Variants in AXDND1 observed in about 807,000 individuals in gnomAD.
AXDND1 encodes axonemal dynein light chain domain containing 1, also known as axonemal dynein light chain domain-containing protein 1.
A neutral mutation model predicts 137.5 loss-of-function variants in AXDND1; 110 were observed. That is an observed-to-expected ratio of 0.80 (90% confidence interval 0.69 to 0.94). The LOEUF (loss-of-function observed/expected upper bound fraction) is 0.94. Among genes scored for constraint, AXDND1 ranks in the 40% least tolerant of loss-of-function variants. The pLI, the probability that AXDND1 is intolerant of heterozygous loss-of-function variation, is 0.00. For missense variants in AXDND1, 1,191 were observed against 1,169.8 expected, an observed-to-expected ratio of 1.02 and a Z score of -0.26; for synonymous variants, 414 against 399.7, an observed-to-expected ratio of 1.04 and a Z score of -0.43.
intron 20 of AXDND1, among the ~76,000 whole-genome samples, chr1:179,503,736 G>A: frequency 6.6e-6 from 1 of 151,832 alleles, no homozygotes; most frequent in East Asian, 1.9e-4. Flanking sequence ...CCCGGAGTGT[G>A]TGATGTTCCC....
intron 11 of AXDND1, among the ~76,000 whole-genome samples, chr1:179,401,306 T>C (rs999987989): frequency 1.3e-5 from 2 of 151,944 alleles, no homozygotes; most frequent in African/African-American, 4.8e-5. Flanking sequence ...AGTAAATTTT[T>C]ACTTCATAAA....
At chr1:179,466,276 C>G (rs1663163150) in intron 16 of AXDND1, among the ~76,000 whole-genome samples, 1 of 121,364 alleles carries the variant, frequency 8.2e-6, no homozygotes, top group Non-Finnish European at 1.7e-5. Flanking sequence ...TTTCTTTCTT[C>G]TTCTTCTTCT....
At position 179,542,300 on chromosome 1, in the gene AXDND1, A is replaced by T. The variant is rs181267414; in HGVS notation, c.3031+7338A>T. 8.8e-3 allele frequency among the ~76,000 whole-genome samples: 1,336 copies of T among 152,294 alleles called. 7 individuals are homozygous for T. The highest frequency in any genetic ancestry group is 0.012 in the Non-Finnish European group (808 of 68,024). The stretch of plus-strand genomic sequence containing the variant: ...CCTGGTGCAAAGGATAGTACTGGAA[A>T]GACATCTACTTTCCGTTTTTCTCTG... On this transcript the variant is annotated intron_variant, in intron 25 of 25. Transcript: ENST00000367618.
intron 17 of AXDND1, among the ~76,000 whole-genome samples, chr1:179,477,208 T>A (rs1316685397): frequency 1.3e-5 from 2 of 152,222 alleles, no homozygotes; most frequent in Non-Finnish European, 2.9e-5. Context: ...CAATTTATAT[T>A]TTTAATTTCT....
At chr1:179,431,462 GTTTT>G (rs869036199) in intron 14 of AXDND1, among the ~76,000 whole-genome samples, 5 of 117,438 alleles carry the variant, frequency 4.3e-5, no homozygotes, top group African/African-American at 1.1e-4. Flanking sequence ...GATTTCTAAG[GTTTT>G]TGTTTGTTTG....
At chr1:179,410,961 G>T (rs1653779470) in intron 11 of AXDND1, among the ~76,000 whole-genome samples, 185 bp from the exon 12 acceptor site, 1 of 152,024 alleles carries the variant, frequency 6.6e-6, no homozygotes, top group African/African-American at 2.4e-5. Flanking sequence ...TTAAATGTGA[G>T]TATTTTTCTT....
At chr1:179,400,522 G>A (rs1033692174) in intron 11 of AXDND1, among the ~76,000 whole-genome samples, 2 of 149,610 alleles carry the variant, frequency 1.3e-5, no homozygotes, top group South Asian at 4.2e-4. Context: ...CACCACTAAA[G>A]AACTTACTCA....
At chr1:179,522,655 C>CA (rs1670172077) in intron 21 of AXDND1, among the ~76,000 whole-genome samples, 1 of 151,596 alleles carries the variant, frequency 6.6e-6, no homozygotes, top group African/African-American at 2.4e-5. Flanking sequence ...TATATTATCT[C>CA]ATTTATATTA....
intron 15 of AXDND1, among the ~76,000 whole-genome samples, chr1:179,436,733 G>T (rs935620358): frequency 1.3e-5 from 2 of 151,984 alleles, no homozygotes; most frequent in East Asian, 3.9e-4. Context: ...AGGACAAATA[G>T]CTAATGCATG....
At chr1:179,378,031 A>G (rs939384699) in intron 4 of AXDND1, among the ~76,000 whole-genome samples, 1 of 152,066 alleles carries the variant, frequency 6.6e-6, no homozygotes, top group African/African-American at 2.4e-5. Flanking sequence ...TTAGCCAGAC[A>G]TGATGGCACG....
At chr1:179,493,464 C>G (rs1667138555) in intron 20 of AXDND1, among the ~76,000 whole-genome samples, 1 of 152,054 alleles carries the variant, frequency 6.6e-6, no homozygotes, top group Admixed American at 6.6e-5. Context: ...AGTGCATATT[C>G]ATATGTAAGT....
At chr1:179,546,550 A>T (rs189442172) in intron 25 of AXDND1, among the ~76,000 whole-genome samples, 8 of 152,294 alleles carry the variant, frequency 5.3e-5, no homozygotes, top group Admixed American at 3.3e-4. Context: ...TTGTGCTTGC[A>T]TATGGGAGAC....
At chr1:179,411,341 T>TTTTG in intron 12 of AXDND1, 75 bp downstream of exon 12, 3 of 1,566,324 alleles carry the variant, frequency 1.9e-6, no homozygotes, top group South Asian at 1.2e-5. Context: ...AAATTTGTTT[T>TTTTG]TTTTGTTTTG....
intron 25 of AXDND1, chr1:179,551,164 C>T (rs1673200196): frequency 6.2e-7 from 1 of 1,613,668 alleles, no homozygotes; most frequent in African/African-American, 1.3e-5. Flanking sequence ...ACATTATGCC[C>T]CATCCTTCCT....
At chr1:179,398,821 C>G (rs939053025) in intron 11 of AXDND1, among the ~76,000 whole-genome samples, 1 of 149,524 alleles carries the variant, frequency 6.7e-6, no homozygotes, top group Non-Finnish European at 1.5e-5. Flanking sequence ...GGCTGGGTGT[C>G]TGCCCACCAA....
rs62624964 is a variant in AXDND1, at chr1:179,445,127, G to A, written c.1721G>A (p.Arg574Gln). The A allele has an allele frequency of 5.0e-6, 8 of 1,613,176 alleles. No individual in the cohort carries two copies. Among genetic ancestry groups the A allele is most frequent in the Admixed American group, 1.7e-5 (1 of 59,976 alleles). Reference sequence around the variant, plus strand: ...TTGGAGGGGGAGATGCCATCAGAGCGACAGTACATGGAGGAAATTATCAAA... The same window carrying A: ...TTGGAGGGGGAGATGCCATCAGAGCAACAGTACATGGAGGAAATTATCAAA... The part of the protein sequence containing the change: ...KSLEGEMPSE[R>Q]QYMEEIIKNI... The change falls in exon 16 of 26, where the codon CGA (arginine) becomes CAA (glutamine). Residue 574 changes from arginine (R) to glutamine (Q), a missense_variant. Arg to Gln is a conservative substitution (Grantham distance 43, BLOSUM62 1). Transcript: ENST00000367618.
In AXDND1 at chr1:179,366,566, C is replaced by CA. The variant is rs760451018; in HGVS notation, c.62dup (p.Leu22ValfsTer15). ...TAAACTCTACATCAACATCTGAGAG[C>CA]AAAAAGTTAAAAGTGTCTGTAGCCA... On this transcript the variant is annotated frameshift_variant, in exon 2 of 26. Transcript: ENST00000367618. LOFTEE classifies it high-confidence loss of function. 16 of 1,613,670 alleles carry CA rather than the reference C, an allele frequency of 9.9e-6. No individual in the cohort carries two copies. Among genetic ancestry groups the CA allele is most frequent in the Non-Finnish European group, 1.4e-5 (16 of 1,179,758 alleles).
At position 179,466,285 on chromosome 1, in the gene AXDND1, CTTT is replaced by C. The variant is rs143320609; in HGVS notation, c.1799-2142_1799-2140del. On this transcript the variant is annotated intron_variant, in intron 16 of 25. Transcript: ENST00000367618. ...CTTTTCTTTCTTTCTTCTTCTTCTT[CTTT>C]TTTTTTTTTTTTTTTGAGATGGGGT... 3.4e-4 allele frequency among the ~76,000 whole-genome samples: 30 copies of C among 87,798 alleles called. No homozygotes were observed. In the South Asian group the frequency reaches 9.3e-3, roughly 27 times the overall value. 57.6% of individuals were successfully genotyped at this position (87,798 alleles called of 152,430 possible).
chr1:179,477,142 A>T (rs998675713), intron 17 of AXDND1, among the ~76,000 whole-genome samples: 15 of 151,286 alleles, frequency 9.9e-5, no homozygotes, highest in Non-Finnish European at 1.3e-4. Flanking sequence ...GTGATTTTAA[A>T]TTTTTTTCAG....
Sources: gnomAD v4.1 joint callset for allele counts (sites outside exome capture counted in the v4.1 genomes callset) on GRCh38, gnomAD v4.1.1 for gene constraint, MANE v1.5 for transcripts, NCBI Gene and HGNC (gene_info 2026-07-23, HGNC 2026-07-21) for gene names.